ACYP1: variants seen among roughly 807,000 people sequenced by gnomAD.
ACYP1 encodes acylphosphatase 1.
A neutral mutation model predicts 10.4 loss-of-function variants in ACYP1; 8 were observed. The observed-to-expected ratio is 0.77, with a 90% confidence interval of 0.45 to 1.38. The LOEUF (loss-of-function observed/expected upper bound fraction) is 1.38, where lower values mean the gene tolerates loss of function less well. Ranked by LOEUF, ACYP1 falls within the 40% of genes most tolerant of loss-of-function variation. The pLI is 0.00. For synonymous variants in ACYP1, 38 were observed against 40.8 expected (o/e 0.93, Z 0.26); for missense variants, 93 against 117.3 (o/e 0.79, Z 0.96).
At chr14:75,067,852 G>T (rs1240339425), upstream of ACYP1, among the ~76,000 whole-genome samples, 3 of 151,390 alleles carry the variant, frequency 2.0e-5, no homozygotes, top group African/African-American at 7.3e-5. Context: ...AAAGAAGTAA[G>T]CTGGGTGTGG....
At chr14:75,060,302 T>C (rs1229692678) in intron 2 of ACYP1, 1 of 670,420 alleles carries the variant, frequency 1.5e-6, no homozygotes, top group Non-Finnish European at 2.7e-6. Flanking sequence ...TATTACCTCA[T>C]ACCCACTAGG....
At chr14:75,066,396 A>G (rs541760164), upstream of ACYP1, among the ~76,000 whole-genome samples, 2 of 151,666 alleles carry the variant, frequency 1.3e-5, no homozygotes, top group East Asian at 1.9e-4. Context: ...GGGGGGGTGG[A>G]GAAATATTTA....
chr14:75,053,756 C>T, intron 2 of ACYP1, 97 bp from the exon 3 acceptor site: 1 of 1,139,740 alleles, frequency 8.8e-7, no homozygotes, highest in South Asian at 1.4e-5. Flanking sequence ...AATCAAGCCA[C>T]TGAAACTAAT....
upstream of ACYP1, chr14:75,064,124 G>T: frequency 6.3e-6 from 5 of 796,366 alleles, no homozygotes; most frequent in Non-Finnish European, 7.6e-6. Flanking sequence ...CTCGGCCCGG[G>T]CCCGCCCAGA....
At chr14:75,054,127 G>GTTCA (rs1442917861) in intron 2 of ACYP1, among the ~76,000 whole-genome samples, 1 of 152,130 alleles carries the variant, frequency 6.6e-6, no homozygotes. Context: ...ATGAATTAGT[G>GTTCA]TTCATTATAT....
chr14:75,067,981 A>C (rs1893179863), upstream of ACYP1, among the ~76,000 whole-genome samples: 1 of 151,894 alleles, frequency 6.6e-6, no homozygotes, highest in African/African-American at 2.4e-5. Context: ...CCTGGGCAAC[A>C]GAGTGAGGCC....
chr14:75,063,594 G>C, intron 1 of ACYP1, 33 bp from the exon 2 acceptor site: 5 of 1,576,040 alleles, frequency 3.2e-6, no homozygotes, highest in Non-Finnish European at 3.5e-6. Flanking sequence ...AAGAGTGAAG[G>C]GCTATTATTC....
chr14:75,061,639 T>C (rs779476464), intron 2 of ACYP1: 3 of 1,418,704 alleles, frequency 2.1e-6, no homozygotes, highest in African/African-American at 2.8e-5. Context: ...CTTTGACTAA[T>C]CTTTGAAGCT....
upstream of ACYP1, among the ~76,000 whole-genome samples, chr14:75,066,343 T>C (rs76672744): frequency 6.2e-3 from 937 of 151,458 alleles, 5 homozygotes; most frequent in African/African-American, 0.022. Flanking sequence ...ACTGCAAATA[T>C]AGATATAATT....
At chr14:75,055,233 C>T (rs920685705) in intron 2 of ACYP1, among the ~76,000 whole-genome samples, 6 of 150,894 alleles carry the variant, frequency 4.0e-5, no homozygotes, top group Non-Finnish European at 8.8e-5. Flanking sequence ...ACCACAGGCG[C>T]CCGCAACCAC....
chr14:75,065,598 A>T (rs1387566985), upstream of ACYP1, among the ~76,000 whole-genome samples: 1 of 152,234 alleles, frequency 6.6e-6, no homozygotes, highest in Non-Finnish European at 1.5e-5. Flanking sequence ...AAGATGAATG[A>T]TATAAAATCT....
At chr14:75,057,171 T>C (rs554029023) in intron 2 of ACYP1, among the ~76,000 whole-genome samples, 7 of 151,586 alleles carry the variant, frequency 4.6e-5, no homozygotes, top group Non-Finnish European at 1.0e-4. Context: ...GGATATAAGA[T>C]TGATATACAA....
At chr14:75,059,277 T>G (rs1240908941) in intron 2 of ACYP1, among the ~76,000 whole-genome samples, 2 of 148,782 alleles carry the variant, frequency 1.3e-5, no homozygotes, top group Non-Finnish European at 3.0e-5. Context: ...GAGGCTGAGG[T>G]GGGCAGATTG....
chr14:75,063,452 A>G lies in ACYP1; in HGVS notation c.84+18T>C. 1 of 1,610,504 alleles carries G rather than the reference A, an allele frequency of 6.2e-7. No homozygotes were observed. The highest frequency in any genetic ancestry group is 8.5e-7 in the Non-Finnish European group (1 of 1,177,186). On this transcript the variant is annotated intron_variant, in intron 2 of 2. Coordinates refer to ENST00000238618, the MANE Select transcript of ACYP1 (RefSeq NM_001107.5). Reference sequence around the variant, plus strand: ...CCCACAACCTAGGTTACCACCCCAAAGCCTGCAGGCCACATACCTGAGTAT... The same window carrying G: ...CCCACAACCTAGGTTACCACCCCAAGGCCTGCAGGCCACATACCTGAGTAT...
intron 2 of ACYP1, among the ~76,000 whole-genome samples, chr14:75,055,711 A>C (rs1418640828): frequency 6.6e-6 from 1 of 151,580 alleles, no homozygotes; most frequent in East Asian, 1.9e-4. Flanking sequence ...CAAGATTTCC[A>C]CCTTAGGATA....
rs532080499 is a variant in ACYP1, at chr14:75,063,824, T to C, written c.-9+130A>G. On this transcript the variant is annotated intron_variant, in intron 1 of 2. Coordinates refer to ENST00000238618, the MANE Select transcript of ACYP1 (RefSeq NM_001107.5). ...AATAACCTGAGGACCGATGACCTCC[T>C]TACATCCATGCCCGGTCCCGCTCCC... The C allele has an allele frequency of 6.5e-6, 5 of 764,880 alleles. No individual in the cohort carries two copies. The Admixed American group carries it at 1.1e-4, about 17-fold the overall frequency. 47.4% of individuals were successfully genotyped at this position (764,880 alleles called of 1,614,324 possible). A position where few individuals can be genotyped will look rare whatever the true frequency, so the allele number is the denominator to read the frequency against.
chr14:75,067,687 T>A (rs1893167087), upstream of ACYP1, among the ~76,000 whole-genome samples: 1 of 152,172 alleles, frequency 6.6e-6, no homozygotes, highest in African/African-American at 2.4e-5. Context: ...TGGAGAGGTA[T>A]AACTTGAAGT....
chr14:75,063,449 C>A, intron 2 of ACYP1, 21 bp downstream of exon 2: 1 of 1,608,798 alleles, frequency 6.2e-7, no homozygotes, highest in South Asian at 1.1e-5. Flanking sequence ...GTTACCACCC[C>A]AAAGCCTGCA....
chr14:75,059,810 A>G (rs1465119117), intron 2 of ACYP1: 1 of 154,550 alleles, frequency 6.5e-6, no homozygotes, highest in African/African-American at 2.4e-5. Context: ...CTTTCATGAT[A>G]TAACACAGAT....
Sources: allele counts gnomAD v4.1 joint callset (sites outside exome capture counted in the v4.1 genomes callset), GRCh38; gene constraint gnomAD v4.1.1; transcripts MANE v1.5; gene names NCBI Gene and HGNC (gene_info 2026-07-23, HGNC 2026-07-21).